The following CADM1 variants were observed in gnomAD, a reference collection of about 807,000 sequenced individuals.
CADM1 encodes the protein cell adhesion molecule 1.
In CADM1, 15 loss-of-function variants were observed where a neutral mutation model predicts 53.1. The ratio of observed to expected loss-of-function variants is 0.28; its 90% CI spans 0.19 to 0.44. The LOEUF is 0.44. Ranked by LOEUF, CADM1 falls within the 20% of genes least tolerant of loss-of-function variation. The probability of loss-of-function intolerance (pLI) is 1.00; values close to 1 mark genes in which losing one functional copy is unlikely to be tolerated. For synonymous variants in CADM1, 281 were observed against 243.0 expected (o/e 1.16, Z -1.45); for missense variants, 434 against 611.3 (o/e 0.71, Z 3.06).
chr11:115,396,367 T>C (rs910247597), intron 1 of CADM1, among the ~76,000 whole-genome samples: 17 of 152,196 alleles, frequency 1.1e-4, no homozygotes, highest in Admixed American at 3.3e-4. Flanking sequence ...TACTGTAGCA[T>C]AGGATTAAAA....
At chr11:115,457,875 G>T (rs559625943) in intron 1 of CADM1, among the ~76,000 whole-genome samples, 3 of 152,080 alleles carry the variant, frequency 2.0e-5, no homozygotes, top group Non-Finnish European at 2.9e-5. Flanking sequence ...TATAAAAACT[G>T]CAAAGCCCAA....
At chr11:115,234,385 G>GT (rs1941936683) in intron 3 of CADM1, among the ~76,000 whole-genome samples, 1 of 152,136 alleles carries the variant, frequency 6.6e-6, no homozygotes, top group African/African-American at 2.4e-5. Context: ...TCCAGATTTC[G>GT]TTTGGGGGCT....
chr11:115,367,099 C>T (rs1462411227), intron 1 of CADM1, among the ~76,000 whole-genome samples: 4 of 152,188 alleles, frequency 2.6e-5, no homozygotes, highest in Non-Finnish European at 5.9e-5. Context: ...CCAGTGGTTC[C>T]GCTACTCCAG....
At chr11:115,406,604 T>G (rs910405781) in intron 1 of CADM1, among the ~76,000 whole-genome samples, 1 of 148,388 alleles carries the variant, frequency 6.7e-6, no homozygotes, top group Non-Finnish European at 1.5e-5. Flanking sequence ...AATAAAATAT[T>G]TATAAAGAAT....
intron 4 of CADM1, among the ~76,000 whole-genome samples, chr11:115,230,571 A>T (rs1006408126): frequency 9.8e-5 from 15 of 152,336 alleles, no homozygotes; most frequent in African/African-American, 3.6e-4. Context: ...AAAAATGGTC[A>T]AATAGGGTAT....
At chr11:115,230,733 A>G (rs550195390) in intron 4 of CADM1, among the ~76,000 whole-genome samples, 1 of 152,326 alleles carries the variant, frequency 6.6e-6, no homozygotes, top group South Asian at 2.1e-4. Context: ...CACAGCCTGC[A>G]TAAGAACAGA....
intron 3 of CADM1, among the ~76,000 whole-genome samples, chr11:115,232,666 T>C (rs561461434): frequency 3.6e-4 from 55 of 151,968 alleles, no homozygotes; most frequent in Non-Finnish European, 7.6e-4. Context: ...ATGGTGACAA[T>C]GATGATGATG....
intron 1 of CADM1, among the ~76,000 whole-genome samples, chr11:115,404,555 A>C (rs1947264059): frequency 6.7e-6 from 1 of 149,712 alleles, no homozygotes; most frequent in Non-Finnish European, 1.5e-5. Context: ...GAAAAGATTG[A>C]GTTTGCCTGC....
chr11:115,263,988 T>C (rs143070570), intron 1 of CADM1, among the ~76,000 whole-genome samples: 1 of 152,340 alleles, frequency 6.6e-6, no homozygotes, highest in East Asian at 1.9e-4. Flanking sequence ...AGAAGGCAGC[T>C]GGGTGGTGAG....
At chr11:115,459,557 A>G (rs1378909269) in intron 1 of CADM1, among the ~76,000 whole-genome samples, 1 of 152,132 alleles carries the variant, frequency 6.6e-6, no homozygotes, top group East Asian at 1.9e-4. Context: ...AAGTGAAAAA[A>G]AGAGAGAGAG....
intron 1 of CADM1, among the ~76,000 whole-genome samples, chr11:115,393,080 A>G (rs1412692006): frequency 2.0e-5 from 3 of 148,914 alleles, no homozygotes; most frequent in Non-Finnish European, 4.4e-5. Context: ...AAAAAAAAAA[A>G]AAAAAAAAAA....
intron 2 of CADM1, among the ~76,000 whole-genome samples, chr11:115,239,729 A>C (rs909034140): frequency 6.6e-6 from 1 of 151,314 alleles, no homozygotes; most frequent in African/African-American, 2.4e-5. Flanking sequence ...TTTTTTTTCA[A>C]AAGATTTGAT....
Position 115,229,182 on chromosome 11 carries a change from C to G in CADM1, c.652G>C (p.Val218Leu). ...GCAGGGTGCTCCACCTGGCAGATCA[C>G]TGGGACCCCATCGTCCTCCTTGTGC... is the stretch of plus-strand genomic sequence containing the variant. ...KVHKEDDGVP[V>L]ICQVEHPAVT... Residue 218 changes from valine to leucine, a missense_variant, in exon 5 of 12, where the codon GTG (valine) becomes CTG (leucine). Val to Leu is a conservative substitution (Grantham distance 32). Transcript: ENST00000331581. 6.2e-7 allele frequency: 1 copy of G among 1,614,144 alleles called. No homozygotes were observed. The highest frequency in any genetic ancestry group is 1.1e-5 in the South Asian group (1 of 91,080).
intron 1 of CADM1, among the ~76,000 whole-genome samples, chr11:115,494,179 G>A (rs1294000476): frequency 6.6e-6 from 1 of 152,030 alleles, no homozygotes; most frequent in Non-Finnish European, 1.5e-5. Flanking sequence ...AACAGTTGAT[G>A]GATCTAGGTA....
intron 1 of CADM1, among the ~76,000 whole-genome samples, chr11:115,332,261 T>C (rs1165685080): frequency 2.0e-5 from 3 of 151,896 alleles, no homozygotes; most frequent in Non-Finnish European, 2.9e-5. Flanking sequence ...AGAAGACAGG[T>C]TGAGGAGAAA....
chr11:115,176,712 GA>G, intron 11 of CADM1, 120 bp from the exon 12 acceptor site: 1 of 846,690 alleles, frequency 1.2e-6, no homozygotes. Context: ...CAGCAGAGGG[GA>G]AAAAACAATT....
chr11:115,454,352 A>T (rs1948640743), intron 1 of CADM1, among the ~76,000 whole-genome samples: 1 of 152,230 alleles, frequency 6.6e-6, no homozygotes, highest in Admixed American at 6.5e-5. Context: ...AATTCAAAGC[A>T]GAGGAATTTA....
At position 115,369,026 on chromosome 11, in the gene CADM1, T is replaced by TAAAAAAAAAAAAAAAAAAA. The variant is rs552309443; in HGVS notation, c.125-128625_125-128607dup. On this transcript the variant is annotated intron_variant, in intron 1 of 11. Transcript: ENST00000331581. ...GTGCCTAGCAGAGTGAAAAAAAATC[T>TAAAAAAAAAAAAAAAAAAA]AAAAAAAAAAAAAAAAAAAAAAAAA... Among the ~76,000 whole-genome samples, 43 of 44,746 alleles carry TAAAAAAAAAAAAAAAAAAA rather than the reference T, an allele frequency of 9.6e-4. 4 individuals are homozygous for TAAAAAAAAAAAAAAAAAAA. Among genetic ancestry groups the TAAAAAAAAAAAAAAAAAAA allele is most frequent in the Non-Finnish European group, 1.5e-3 (36 of 24,308 alleles). 29.4% of individuals were successfully genotyped at this position (44,746 alleles called of 152,430 possible).
At chr11:115,244,422 G>C (rs984314736) in intron 1 of CADM1, among the ~76,000 whole-genome samples, 4 of 152,194 alleles carry the variant, frequency 2.6e-5, no homozygotes, top group Admixed American at 2.6e-4. Context: ...GCCACCGTAG[G>C]GAGGTGACAA....
Sources: allele counts gnomAD v4.1 joint callset (sites outside exome capture counted in the v4.1 genomes callset), GRCh38; gene constraint gnomAD v4.1.1; transcripts MANE v1.5; gene names NCBI Gene and HGNC (gene_info 2026-07-23, HGNC 2026-07-21).